The following GRIK4 variants were observed in gnomAD, a reference collection of about 807,000 sequenced individuals.
GRIK4 encodes glutamate receptor ionotropic, kainate 4.
In GRIK4, 40 loss-of-function variants were observed where a neutral mutation model predicts 104.9. The ratio of observed to expected loss-of-function variants is 0.38; its 90% CI spans 0.30 to 0.50. GRIK4 has a LOEUF of 0.50. Ranked by LOEUF, GRIK4 falls within the 20% of genes least tolerant of loss-of-function variation. The pLI, the probability that GRIK4 is intolerant of heterozygous loss-of-function variation, is 0.93. For synonymous variants in GRIK4, 485 were observed against 524.9 expected (o/e 0.92, Z 1.04); for missense variants, 1,047 against 1,308.1 (o/e 0.80, Z 3.08).
chr11:120,547,264 C>T (rs549175634), intron 1 of GRIK4, among the ~76,000 whole-genome samples: 10 of 152,314 alleles, frequency 6.6e-5, no homozygotes, highest in East Asian at 1.9e-4. Context: ...ACTCCTCTAT[C>T]GTGGCTCTTG....
chr11:120,822,558 GATTAAA>G (rs572024411), intron 6 of GRIK4, among the ~76,000 whole-genome samples: 160 of 152,314 alleles, frequency 1.1e-3, no homozygotes, highest in Admixed American at 4.6e-3. Context: ...CATATGAATT[GATTAAA>G]ATTAAATAAA....
chr11:120,843,966 T>C (rs756477333), intron 8 of GRIK4, among the ~76,000 whole-genome samples: 1 of 152,064 alleles, frequency 6.6e-6, no homozygotes, highest in Non-Finnish European at 1.5e-5. Flanking sequence ...AAATAACCCC[T>C]CCATGCCCCA....
intron 1 of GRIK4, among the ~76,000 whole-genome samples, chr11:120,583,445 A>G (rs1313314532): frequency 6.6e-6 from 1 of 152,106 alleles, no homozygotes; most frequent in Non-Finnish European, 1.5e-5. Context: ...CCAGAATGGT[A>G]TTTCCTAGGT....
chr11:120,531,990 C>G (rs1421503621), intron 1 of GRIK4, among the ~76,000 whole-genome samples: 1 of 152,160 alleles, frequency 6.6e-6, no homozygotes, highest in Non-Finnish European at 1.5e-5. Flanking sequence ...CTCCCCTTTA[C>G]TCCCAAATGG....
At chr11:120,969,130 C>A (rs915521411) in intron 19 of GRIK4, among the ~76,000 whole-genome samples, 8 of 152,206 alleles carry the variant, frequency 5.3e-5, no homozygotes, top group Non-Finnish European at 1.0e-4. Flanking sequence ...GGCTTACCAG[C>A]AAGCATCTTA....
intron 11 of GRIK4, among the ~76,000 whole-genome samples, chr11:120,889,022 C>G (rs1474493334): frequency 6.6e-6 from 1 of 152,162 alleles, no homozygotes; most frequent in Non-Finnish European, 1.5e-5. Flanking sequence ...GAATTTTCAG[C>G]ATTATTCTGC....
chr11:120,630,558 C>T (rs1013243330), intron 1 of GRIK4, among the ~76,000 whole-genome samples: 2 of 152,208 alleles, frequency 1.3e-5, no homozygotes, highest in African/African-American at 4.8e-5. Flanking sequence ...CCGGCCTCCT[C>T]TTTTAAGGGT....
chr11:120,638,949 C>T (rs1949434454), intron 1 of GRIK4, among the ~76,000 whole-genome samples: 1 of 152,014 alleles, frequency 6.6e-6, no homozygotes, highest in Non-Finnish European at 1.5e-5. Flanking sequence ...GTAATCCCAG[C>T]ACTTTGGGAG....
intron 1 of GRIK4, among the ~76,000 whole-genome samples, chr11:120,583,489 T>C (rs1013120412): frequency 1.3e-5 from 2 of 152,174 alleles, no homozygotes; most frequent in Admixed American, 1.3e-4. Context: ...TTAGGTTTTA[T>C]ATTTAAGTCC....
chr11:120,836,041 C>T (rs1475009928), intron 7 of GRIK4, among the ~76,000 whole-genome samples: 1 of 152,130 alleles, frequency 6.6e-6, no homozygotes, highest in Non-Finnish European at 1.5e-5. Flanking sequence ...TTCAAGAATA[C>T]CCTTATGACT....
intron 3 of GRIK4, among the ~76,000 whole-genome samples, chr11:120,735,764 T>C (rs1951210826): frequency 6.6e-6 from 1 of 151,884 alleles, no homozygotes; most frequent in Admixed American, 6.5e-5. Flanking sequence ...TCCTTCCCAC[T>C]CTTCCCTCTC....
chr11:120,925,491 C>CAA (rs1350874612), intron 13 of GRIK4, among the ~76,000 whole-genome samples: 1 of 152,192 alleles, frequency 6.6e-6, no homozygotes, highest in Non-Finnish European at 1.5e-5. Context: ...CCATGTGGAC[C>CAA]AGTTAGCTTT....
chr11:120,886,537 G>A (rs1213430331), intron 11 of GRIK4, among the ~76,000 whole-genome samples: 1 of 152,194 alleles, frequency 6.6e-6, no homozygotes, highest in East Asian at 1.9e-4. Flanking sequence ...AAAACAAAGT[G>A]ATTGATTGAT....
chr11:120,573,280 G>T (rs1305714031), intron 1 of GRIK4, among the ~76,000 whole-genome samples: 7 of 152,194 alleles, frequency 4.6e-5, no homozygotes, highest in Admixed American at 1.3e-4. Context: ...TAAACCTTTA[G>T]TCATCTGTGT....
At chr11:120,648,883 C>T (rs1949578445) in intron 1 of GRIK4, among the ~76,000 whole-genome samples, 1 of 152,156 alleles carries the variant, frequency 6.6e-6, no homozygotes, top group South Asian at 2.1e-4. Flanking sequence ...CAATAGAGAA[C>T]ACTTGAGAAT....
intron 4 of GRIK4, among the ~76,000 whole-genome samples, chr11:120,807,194 T>C (rs1314523325): frequency 6.6e-6 from 1 of 152,188 alleles, no homozygotes; most frequent in East Asian, 1.9e-4. Flanking sequence ...AACCTGAGCC[T>C]TTCTTCTGCA....
intron 3 of GRIK4, among the ~76,000 whole-genome samples, chr11:120,689,750 C>T (rs12284730): frequency 0.14 from 21,662 of 152,012 alleles, 1,682 homozygotes; most frequent in African/African-American, 0.19. Flanking sequence ...TGATAGTTTC[C>T]TCCTCTGTTA....
intron 3 of GRIK4, among the ~76,000 whole-genome samples, chr11:120,708,092 G>A (rs903791713): frequency 6.6e-6 from 1 of 152,152 alleles, no homozygotes; most frequent in Non-Finnish European, 1.5e-5. Context: ...GAGATAGTGT[G>A]GTGGGTGGTC....
At chr11:120,710,266 C>T (rs1950704789) in intron 3 of GRIK4, among the ~76,000 whole-genome samples, 2 of 152,172 alleles carry the variant, frequency 1.3e-5, no homozygotes, top group African/African-American at 2.4e-5. Flanking sequence ...GGACCTGTTC[C>T]ATTTTTACAA....
Sources: gnomAD v4.1 joint callset for allele counts (sites outside exome capture counted in the v4.1 genomes callset) on GRCh38, gnomAD v4.1.1 for gene constraint, MANE v1.5 for transcripts, NCBI Gene and HGNC (gene_info 2026-07-23, HGNC 2026-07-21) for gene names.